COL4A2: variants seen among roughly 807,000 people sequenced by gnomAD.
COL4A2 encodes collagen alpha-2(IV) chain.
A neutral mutation model predicts 200.2 loss-of-function variants in COL4A2; 99 were observed. The observed-to-expected ratio is 0.49, with a 90% CI of 0.42 to 0.58. The LOEUF (loss-of-function observed/expected upper bound fraction) is 0.58. Among genes scored for constraint, COL4A2 ranks in the 20% least tolerant of loss-of-function variants. The pLI is 0.00. For synonymous variants in COL4A2, 897 were observed against 900.6 expected (o/e 1.00, Z 0.07); for missense variants, 1,950 against 2,314.1 (o/e 0.84, Z 3.23).
At chr13:110,310,224 C>A (rs1440748831) in intron 3 of COL4A2, among the ~76,000 whole-genome samples, 1 of 152,168 alleles carries the variant, frequency 6.6e-6, no homozygotes, top group African/African-American at 2.4e-5. Context: ...CATTGATTGC[C>A]CAGCAGAGCT....
intron 47 of COL4A2, among the ~76,000 whole-genome samples, chr13:110,511,565 T>C (rs1338066152): frequency 1.3e-5 from 2 of 152,240 alleles, no homozygotes; most frequent in African/African-American, 4.8e-5. Flanking sequence ...GCCAGGTATT[T>C]TTCTTTGAAT....
chr13:110,447,152 T>C (rs912413168), intron 18 of COL4A2, among the ~76,000 whole-genome samples: 2 of 152,228 alleles, frequency 1.3e-5, no homozygotes, highest in Non-Finnish European at 2.9e-5. Context: ...ATTCTTTCAC[T>C]TCTGCTTAAC....
At chr13:110,319,408 G>A (rs1183739457) in intron 3 of COL4A2, among the ~76,000 whole-genome samples, 1 of 152,166 alleles carries the variant, frequency 6.6e-6, no homozygotes, top group East Asian at 1.9e-4. Flanking sequence ...GTATAATTTA[G>A]CAAAGCAAGA....
intron 4 of COL4A2, among the ~76,000 whole-genome samples, chr13:110,411,342 C>T (rs552472753): frequency 3.9e-4 from 59 of 152,344 alleles, no homozygotes; most frequent in South Asian, 1.0e-3. Context: ...TTTTCAACAA[C>T]GAATCTGTTC....
At chr13:110,316,340 A>G (rs1466561779) in intron 3 of COL4A2, among the ~76,000 whole-genome samples, 1 of 152,212 alleles carries the variant, frequency 6.6e-6, no homozygotes, top group Non-Finnish European at 1.5e-5. Flanking sequence ...CCTGGACTGC[A>G]TCAAAAGCCA....
rs422514 is a variant in COL4A2, at chr13:110,503,664, A to C, written c.4138+183A>C. On this transcript the variant is annotated intron_variant, in intron 43 of 47. Transcript: ENST00000360467. ...CAGGACCTTGGGGAATGGAGAGCTT[A>C]ATATTCAAACGGCAGGCGCTGAGTC... 0.57 allele frequency among the ~76,000 whole-genome samples: 87,022 copies of C among 152,056 alleles called. 25,929 individuals are homozygous for C. Among genetic ancestry groups the C allele is most frequent in the East Asian group, 0.8 (4,102 of 5,130 alleles).
chr13:110,454,716 G>C lies in COL4A2; in HGVS notation c.1340-2627G>C, dbSNP rs150453616. ...GTCCCTGCCCCTCCCTGCACTCCCCGCCGGATGAACTCGTCCTCCACATGA... is the reference window on the plus strand; with the variant it reads ...GTCCCTGCCCCTCCCTGCACTCCCCCCCGGATGAACTCGTCCTCCACATGA... On this transcript the variant is annotated intron_variant, in intron 20 of 47. Coordinates refer to ENST00000360467, the MANE Select transcript of COL4A2 (RefSeq NM_001846.4). Among the ~76,000 whole-genome samples, 706 of 151,650 alleles carry C rather than the reference G, an allele frequency of 4.7e-3. 1 individual carries two copies. Among genetic ancestry groups the C allele is most frequent in the African/African-American group, 0.015 (622 of 41,312 alleles).
At chr13:110,362,263 A>T (rs1027410883) in intron 4 of COL4A2, among the ~76,000 whole-genome samples, 5 of 152,218 alleles carry the variant, frequency 3.3e-5, no homozygotes, top group Non-Finnish European at 5.9e-5. Context: ...AATAATCTCT[A>T]GTAAGCATAT....
At chr13:110,319,872 G>C (rs1200366024) in intron 3 of COL4A2, among the ~76,000 whole-genome samples, 1 of 152,130 alleles carries the variant, frequency 6.6e-6, no homozygotes, top group African/African-American at 2.4e-5. Flanking sequence ...CTTAGTCTTA[G>C]TCATCAGCTC....
rs74639154 is a variant in COL4A2, at chr13:110,434,241, A to T, written c.685-160A>T. ...TGGTCAACTGACATGACAAACTGTC[A>T]ATTAGTTTCTACAATGCAAAGCAAG... On this transcript the variant is annotated intron_variant, in intron 11 of 47. Coordinates refer to ENST00000360467, the MANE Select transcript of COL4A2 (RefSeq NM_001846.4). 0.012 allele frequency among the ~76,000 whole-genome samples: 1,817 copies of T among 152,362 alleles called. 47 individuals are homozygous for T. Among genetic ancestry groups the T allele is most frequent in the African/African-American group, 0.041 (1,688 of 41,582 alleles).
intron 40 of COL4A2, among the ~76,000 whole-genome samples, chr13:110,496,282 C>G (rs909304667): frequency 2.6e-5 from 4 of 152,242 alleles, no homozygotes; most frequent in African/African-American, 9.6e-5. Context: ...GCCAGCAACC[C>G]TGGCTTTTGC....
intron 3 of COL4A2, among the ~76,000 whole-genome samples, chr13:110,321,409 C>A (rs569495538): frequency 3.3e-5 from 5 of 152,092 alleles, no homozygotes; most frequent in Non-Finnish European, 5.9e-5. Flanking sequence ...TTTTGTGCAA[C>A]TGTCACCATT....
At chr13:110,434,194 C>G (rs1235654504) in intron 11 of COL4A2, among the ~76,000 whole-genome samples, 1 of 152,132 alleles carries the variant, frequency 6.6e-6, no homozygotes, top group African/African-American at 2.4e-5. Context: ...ATCTCAGCTC[C>G]CACTCATTCA....
At chr13:110,502,898 T>G in intron 41 of COL4A2, 1 of 492,722 alleles carries the variant, frequency 2.0e-6, no homozygotes, top group African/African-American at 2.0e-5. Flanking sequence ...GCGGTGAAGG[T>G]GAATATATTG....
Position 110,504,273 on chromosome 13 carries a change from C to T in COL4A2, c.4402+9C>T, listed in dbSNP as rs748614600. On this transcript the variant is annotated intron_variant, in intron 45 of 47. Coordinates refer to ENST00000360467, the MANE Select transcript of COL4A2 (RefSeq NM_001846.4). ...GCCGATTGGCCAAGAAGGTGAGTGA[C>T]AGTGGGGAAGGACCTTCCCAGGTCC... The T allele has an allele frequency of 1.9e-6, 3 of 1,606,458 alleles. No individual in the cohort carries two copies. Among genetic ancestry groups the T allele is most frequent in the Non-Finnish European group, 2.6e-6 (3 of 1,173,842 alleles).
chr13:110,396,780 A>G lies in COL4A2; in HGVS notation c.181-27954A>G, dbSNP rs190891570. ...TTAAAGGCGTTTCCAATCCCTAATG[A>G]TAAAACCAGCATCAAATTGTAGAGA... On this transcript the variant is annotated intron_variant, in intron 4 of 47. Transcript: ENST00000360467. Among the ~76,000 whole-genome samples the G allele has an allele frequency of 2.6e-3, 399 of 152,266 alleles. 2 individuals carry two copies. Among genetic ancestry groups the G allele is most frequent in the Non-Finnish European group, 3.0e-3 (207 of 68,028 alleles).
chr13:110,509,270 T>TATATATATATATATATATATACAC (rs1435137108), intron 47 of COL4A2, among the ~76,000 whole-genome samples: 1 of 115,578 alleles, frequency 8.7e-6, no homozygotes, highest in African/African-American at 3.5e-5. Context: ...TATATATATA[T>TATATATATATATATATATATACAC]ACACACACAC....
intron 16 of COL4A2, among the ~76,000 whole-genome samples, chr13:110,445,343 C>G (rs1055147218): frequency 1.3e-5 from 2 of 152,150 alleles, no homozygotes; most frequent in Non-Finnish European, 2.9e-5. Context: ...AGAAGAGGTG[C>G]CCAGCATCCT....
At chr13:110,359,177 G>T (rs1220363867) in intron 4 of COL4A2, among the ~76,000 whole-genome samples, 1 of 152,142 alleles carries the variant, frequency 6.6e-6, no homozygotes. Context: ...GAGGAAAAAA[G>T]GGTACCCCAA....
Sources: gnomAD v4.1 joint callset for allele counts (sites outside exome capture counted in the v4.1 genomes callset) on GRCh38, gnomAD v4.1.1 for gene constraint, MANE v1.5 for transcripts, NCBI Gene and HGNC (gene_info 2026-07-23, HGNC 2026-07-21) for gene names.